MEGF9: variants seen among roughly 807,000 people sequenced by gnomAD.
The protein encoded by MEGF9 is multiple EGF like domains 9.
Under a neutral mutation model 46.8 loss-of-function variants are expected in MEGF9, and 6 were observed. The observed-to-expected ratio is 0.13, with a 90% CI of 0.07 to 0.25. The LOEUF (loss-of-function observed/expected upper bound fraction) is 0.25, where lower values mean the gene tolerates loss of function less well. Among genes scored for constraint, MEGF9 ranks in the 10% least tolerant of loss-of-function variants. The pLI is 1.00. For synonymous variants in MEGF9, 302 were observed against 330.7 expected (o/e 0.91, Z 0.94); for missense variants, 683 against 792.4 (o/e 0.86, Z 1.66).
Position 120,713,970 on chromosome 9 carries a change from G to C in MEGF9, c.389C>G (p.Ala130Gly), listed in dbSNP as rs776250862. ...LGPSPTTPPAAERTSTTSQAP... is the reference protein window; with the variant it reads ...LGPSPTTPPAGERTSTTSQAP... ...CTGAGAGGTGGTCGAAGTGCGTTCC[G>C]CCGCCGGAGGGGTGGTCGGCGAGGG... Residue 130 changes from alanine (A) to glycine (G), a missense_variant, in exon 1 of 6, where the codon GCG (alanine) becomes GGG (glycine). Ala to Gly is a moderately conservative substitution (Grantham distance 60). Around this residue, in one of 2 missense-constraint regions of MEGF9, gnomAD observed 370 missense variants for 371.3 expected, o/e 1.00. Coordinates refer to ENST00000373930, the MANE Select transcript of MEGF9 (RefSeq NM_001080497.3). 1 of 1,380,816 alleles carries C rather than the reference G, an allele frequency of 7.2e-7. No individual in the cohort carries two copies. Among genetic ancestry groups the C allele is most frequent in the Non-Finnish European group, 9.4e-7 (1 of 1,062,686 alleles). 85.5% of individuals were successfully genotyped at this position (1,380,816 alleles called of 1,614,324 possible). A position where few individuals can be genotyped will look rare whatever the true frequency, so the allele number is the denominator to read the frequency against.
At chr9:120,695,428 A>AC (rs1270829877) in intron 1 of MEGF9, among the ~76,000 whole-genome samples, 1 of 151,726 alleles carries the variant, frequency 6.6e-6, no homozygotes, top group African/African-American at 2.4e-5. Flanking sequence ...AAATGGTGAA[A>AC]CCCCGTCTCT....
chr9:120,613,402 T>C (rs2043457723), intron 3 of MEGF9, among the ~76,000 whole-genome samples: 1 of 152,046 alleles, frequency 6.6e-6, no homozygotes, highest in Non-Finnish European at 1.5e-5. Flanking sequence ...CTCAACTTTA[T>C]TGAAATTTTC....
chr9:120,698,211 C>T (rs773479935), intron 1 of MEGF9, among the ~76,000 whole-genome samples: 2 of 152,178 alleles, frequency 1.3e-5, no homozygotes, highest in African/African-American at 2.4e-5. Flanking sequence ...AGAGTGGTCA[C>T]ATCTTTCTAC....
At chr9:120,634,871 C>A (rs564455363) in intron 2 of MEGF9, among the ~76,000 whole-genome samples, 2 of 152,016 alleles carry the variant, frequency 1.3e-5, no homozygotes, top group East Asian at 3.9e-4. Flanking sequence ...AGGTTTGATT[C>A]TCTTCTCTTT....
At chr9:120,713,317 G>A (rs1468004414) in intron 1 of MEGF9, among the ~76,000 whole-genome samples, 1 of 152,154 alleles carries the variant, frequency 6.6e-6, no homozygotes, top group Admixed American at 6.5e-5. Context: ...TAAACAAGAA[G>A]AAATGAACAG....
chr9:120,663,086 G>A (rs1356623540), intron 1 of MEGF9, among the ~76,000 whole-genome samples: 1 of 152,146 alleles, frequency 6.6e-6, no homozygotes, highest in African/African-American at 2.4e-5. Context: ...AAATGTTTCA[G>A]CAAGAGAGAC....
At chr9:120,611,318 G>C (rs1430978437) in intron 4 of MEGF9, among the ~76,000 whole-genome samples, 1 of 152,126 alleles carries the variant, frequency 6.6e-6, no homozygotes, top group East Asian at 1.9e-4. Flanking sequence ...AGCATTATTT[G>C]TAATAGCTAA....
chr9:120,622,417 C>CTTTTTTTTT (rs59380409), intron 3 of MEGF9, among the ~76,000 whole-genome samples, 199 bp downstream of exon 3: 2,472 of 100,712 alleles, frequency 0.025, 92 homozygotes, highest in African/African-American at 0.06. Context: ...AGGTATATGA[C>CTTTTTTTTT]TTTTTTTTTT....
At chr9:120,665,438 C>T (rs532007198) in intron 1 of MEGF9, among the ~76,000 whole-genome samples, 15 of 152,158 alleles carry the variant, frequency 9.9e-5, no homozygotes, top group African/African-American at 3.4e-4. Flanking sequence ...CTCCTGACCT[C>T]GTAATCCGCC....
At chr9:120,678,150 T>C (rs1338435059) in intron 1 of MEGF9, among the ~76,000 whole-genome samples, 7 of 152,252 alleles carry the variant, frequency 4.6e-5, no homozygotes, top group African/African-American at 1.4e-4. Flanking sequence ...TGAATAGTAC[T>C]CCATTGTGTA....
At chr9:120,630,831 A>T (rs60069734) in intron 2 of MEGF9, among the ~76,000 whole-genome samples, 2,441 of 152,258 alleles carry the variant, frequency 0.016, 63 homozygotes, top group African/African-American at 0.055. Context: ...GCCCATTTTT[A>T]AAATTATTTG....
intron 1 of MEGF9, among the ~76,000 whole-genome samples, chr9:120,709,500 T>C (rs1022838049): frequency 2.6e-5 from 4 of 151,254 alleles, no homozygotes; most frequent in Non-Finnish European, 4.4e-5. Flanking sequence ...TAAAGATCAG[T>C]TGAAGGAGCT....
chr9:120,712,182 T>G (rs1407568646), intron 1 of MEGF9, among the ~76,000 whole-genome samples: 1 of 152,114 alleles, frequency 6.6e-6, no homozygotes, highest in Non-Finnish European at 1.5e-5. Context: ...CGCTTGAGCC[T>G]GGGAGGCAGA....
intron 1 of MEGF9, among the ~76,000 whole-genome samples, chr9:120,701,100 C>CA (rs2043902760): frequency 6.8e-6 from 1 of 147,488 alleles, no homozygotes; most frequent in African/African-American, 2.5e-5. Context: ...GGCTGGGTGA[C>CA]AGAGTGTGAC....
intron 1 of MEGF9, among the ~76,000 whole-genome samples, chr9:120,668,515 C>T (rs940556991): frequency 3.3e-5 from 5 of 152,122 alleles, no homozygotes; most frequent in Admixed American, 6.6e-5. Flanking sequence ...CAACATAACC[C>T]AGGTTTTGTA....
At chr9:120,634,844 GT>G (rs930520810) in intron 2 of MEGF9, among the ~76,000 whole-genome samples, 5 of 151,912 alleles carry the variant, frequency 3.3e-5, no homozygotes, top group African/African-American at 7.3e-5. Flanking sequence ...ATGTTTGGTG[GT>G]TTTTTTGAAG....
chr9:120,708,664 T>C (rs2043939366), intron 1 of MEGF9, among the ~76,000 whole-genome samples: 1 of 152,244 alleles, frequency 6.6e-6, no homozygotes, highest in African/African-American at 2.4e-5. Flanking sequence ...AAATTTATTC[T>C]GCCCTATGAG....
At chr9:120,654,826 T>C (rs1006139890) in intron 2 of MEGF9, among the ~76,000 whole-genome samples, 5 of 152,238 alleles carry the variant, frequency 3.3e-5, no homozygotes, top group Admixed American at 3.3e-4. Context: ...CTATTGGTCC[T>C]GACTTTGTGT....
chr9:120,641,059 T>C (rs1027592525), intron 2 of MEGF9, among the ~76,000 whole-genome samples: 8 of 152,194 alleles, frequency 5.3e-5, no homozygotes, highest in Admixed American at 6.5e-5. Flanking sequence ...TACAGCTGCA[T>C]AGTATTCCAT....
Sources: gnomAD v4.1 joint callset for allele counts (sites outside exome capture counted in the v4.1 genomes callset) on GRCh38, gnomAD v4.1.1 for gene constraint, gnomAD v4.1.1 regional missense constraint, MANE v1.5 for transcripts, NCBI Gene and HGNC (gene_info 2026-07-23, HGNC 2026-07-21) for gene names.